Variants in MICOS10 observed in about 807,000 individuals in gnomAD.
MICOS10 encodes the protein mitochondrial contact site and cristae organizing system subunit 10.
MICOS10 carries 5 observed loss-of-function variants against 13.4 expected under a neutral mutation model. The observed-to-expected ratio is 0.37, with a 90% confidence interval of 0.20 to 0.78. The LOEUF is 0.78. MICOS10 is among the 30% of genes least tolerant of loss of function. The probability of loss-of-function intolerance (pLI) is 0.47; values close to 1 mark genes in which losing one functional copy is unlikely to be tolerated. For missense variants in MICOS10, 101 were observed against 94.6 expected (o/e 1.07, Z -0.28); for synonymous variants, 35 against 33.6 (o/e 1.04, Z -0.15).
chr1:19,611,984 AAG>A (rs1199298861), intron 1 of MICOS10, among the ~76,000 whole-genome samples: 1 of 151,112 alleles, frequency 6.6e-6, no homozygotes, highest in Non-Finnish European at 1.5e-5. Flanking sequence ...AAAAAAAAAA[AAG>A]ATTTTTTTTT....
chr1:19,623,325 A>G (rs945583262), intron 2 of MICOS10, 149 bp from the exon 3 acceptor site: 1 of 591,498 alleles, frequency 1.7e-6, no homozygotes, highest in African/African-American at 1.8e-5. Flanking sequence ...CCATTGTGAA[A>G]CATTGATAAA....
In MICOS10 at chr1:19,615,052, C is replaced by T. The variant is rs536962650; in HGVS notation, c.65-7048C>T. On this transcript the variant is annotated intron_variant, in intron 1 of 3. Transcript: ENST00000322753. The stretch of plus-strand genomic sequence containing the variant: ...AAAAATCTTCCTAGCCAAATGTATT[C>T]CCATCCTCCTTCTCTGGACCCACAG... Among the ~76,000 whole-genome samples the T allele has an allele frequency of 2.0e-5, 3 of 152,326 alleles. No homozygotes were observed. The South Asian group carries it at 6.2e-4, about 32-fold the overall frequency.
At chr1:19,603,558 G>C (rs2094824071) in intron 1 of MICOS10, among the ~76,000 whole-genome samples, 1 of 152,178 alleles carries the variant, frequency 6.6e-6, no homozygotes, top group African/African-American at 2.4e-5. Flanking sequence ...CGGAGGTCCT[G>C]GGAATCCCTA....
At chr1:19,600,930 C>T in intron 1 of MICOS10, 1 of 1,289,378 alleles carries the variant, frequency 7.8e-7, no homozygotes, top group South Asian at 1.2e-5. Flanking sequence ...TCTGGCTTGG[C>T]AAAGACTGAA....
chr1:19,599,086 C>T (rs536684924), intron 1 of MICOS10, among the ~76,000 whole-genome samples: 4 of 152,002 alleles, frequency 2.6e-5, no homozygotes, highest in Admixed American at 6.6e-5. Flanking sequence ...AATAGGGTCT[C>T]GCTCTGTCAC....
At chr1:19,622,079 G>A (rs779376613) in intron 1 of MICOS10, 21 bp from the exon 2 acceptor site, 1 of 1,599,268 alleles carries the variant, frequency 6.3e-7, no homozygotes, top group Admixed American at 1.7e-5. Context: ...GATTTAGCAT[G>A]TTTTTTCTCC....
chr1:19,604,612 G>A (rs565699958), intron 1 of MICOS10, among the ~76,000 whole-genome samples: 1 of 152,282 alleles, frequency 6.6e-6, no homozygotes, highest in East Asian at 1.9e-4. Context: ...GGTCGTAGGT[G>A]GGTCTTATTG....
intron 3 of MICOS10, among the ~76,000 whole-genome samples, chr1:19,623,996 G>A (rs2792051): frequency 1.3e-5 from 2 of 152,036 alleles, no homozygotes; most frequent in Non-Finnish European, 2.9e-5. Context: ...TTATTAATTT[G>A]TTTCATTTTT....
At chr1:19,598,203 G>A (rs148264224) in intron 1 of MICOS10, 2 of 152,286 alleles carry the variant, frequency 1.3e-5, no homozygotes, top group African/African-American at 4.8e-5. Context: ...AGCACTTACA[G>A]TCAAGTGATT....
chr1:19,601,880 T>C (rs2094816630), intron 1 of MICOS10, among the ~76,000 whole-genome samples: 1 of 152,234 alleles, frequency 6.6e-6, no homozygotes, highest in Non-Finnish European at 1.5e-5. Context: ...TCTTTATTCC[T>C]GTCACATTTT....
intron 3 of MICOS10, among the ~76,000 whole-genome samples, chr1:19,624,448 C>A (rs986286529): frequency 2.0e-5 from 3 of 151,828 alleles, no homozygotes; most frequent in African/African-American, 7.3e-5. Context: ...CACTCACGCC[C>A]GGCTAATTTT....
chr1:19,617,444 G>A (rs1242418991), intron 1 of MICOS10: 7 of 339,562 alleles, frequency 2.1e-5, no homozygotes, highest in African/African-American at 1.5e-4. Flanking sequence ...CCATCTCTGG[G>A]TCCTTGGTCT....
rs2094925329 is a variant in MICOS10, at chr1:19,627,369, T to C, written c.*968T>C. The C allele has an allele frequency of 6.6e-6, 1 of 152,244 alleles. No homozygotes were observed. Among genetic ancestry groups the C allele is most frequent in the African/African-American group, 2.4e-5 (1 of 41,454 alleles). The allele number at this position is 152,244 out of a possible 1,614,324, so 9.4% of individuals were successfully genotyped here. On this transcript the variant is annotated 3_prime_UTR_variant, in exon 4 of 4. Transcript: ENST00000322753. ...TGCCCCTGTATCCTGTAAATGTTGATTTATCATCTACTGTAAGCGAGGCAC... is the reference window on the plus strand; with the variant it reads ...TGCCCCTGTATCCTGTAAATGTTGACTTATCATCTACTGTAAGCGAGGCAC...
intron 1 of MICOS10, among the ~76,000 whole-genome samples, chr1:19,615,532 C>T (rs188873466): frequency 4.2e-4 from 64 of 152,324 alleles, no homozygotes; most frequent in Non-Finnish European, 1.2e-4. Flanking sequence ...TACCCCAAAT[C>T]CACATAACCT....
At position 19,608,511 on chromosome 1, in the gene MICOS10, C is replaced by G. The variant is rs377011513; in HGVS notation, c.64+11402C>G. On this transcript the variant is annotated intron_variant, in intron 1 of 3. Coordinates refer to ENST00000322753, the MANE Select transcript of MICOS10 (RefSeq NM_001032363.4). ...AAGATCGGGAGGATTGAGGACGTCA[C>G]CCCCATCCCCTCTGACAGCACTCTC... 4.6e-5 allele frequency: 51 copies of G among 1,099,804 alleles called. No individual in the cohort carries two copies. The East Asian group carries it at 5.4e-4, about 12-fold the overall frequency. 68.1% of individuals were successfully genotyped at this position (1,099,804 alleles called of 1,614,324 possible).
At chr1:19,600,817 G>T (rs901396497) in intron 1 of MICOS10, 2 of 1,046,708 alleles carry the variant, frequency 1.9e-6, no homozygotes, top group African/African-American at 1.6e-5. Context: ...GCCCAGGCTG[G>T]TCTTGAACTC....
chr1:19,616,927 G>A (rs2094886476), intron 1 of MICOS10, among the ~76,000 whole-genome samples: 1 of 152,128 alleles, frequency 6.6e-6, no homozygotes, highest in African/African-American at 2.4e-5. Flanking sequence ...ATATAAACTT[G>A]GCAATTTTGT....
At chr1:19,608,994 CTTTTTTTTTTTTTTTT>C (rs5772856) in intron 1 of MICOS10, among the ~76,000 whole-genome samples, 2 of 60,598 alleles carry the variant, frequency 3.3e-5, no homozygotes, top group African/African-American at 7.6e-5. Flanking sequence ...CTTTTCCCAG[CTTTTTTTTTTTTTTTT>C]TTTTTTTTTT....
In MICOS10 at chr1:19,629,769, G is replaced by A. The variant is rs906519690; in HGVS notation, c.*3368G>A. 5 of 152,152 alleles carry A rather than the reference G, an allele frequency of 3.3e-5. No individual in the cohort carries two copies. Among genetic ancestry groups the A allele is most frequent in the African/African-American group, 9.7e-5 (4 of 41,432 alleles). The allele number at this position is 152,152 out of a possible 1,614,324, so 9.4% of individuals were successfully genotyped here. ...CGTGGTTCGATCTGATTGTATTGTCGAAGGACTATTTTTGAACCTGTCCAA... is the reference window on the plus strand; with the variant it reads ...CGTGGTTCGATCTGATTGTATTGTCAAAGGACTATTTTTGAACCTGTCCAA... On this transcript the variant is annotated 3_prime_UTR_variant, in exon 4 of 4. Coordinates refer to ENST00000322753, the MANE Select transcript of MICOS10 (RefSeq NM_001032363.4).
Sources: allele counts gnomAD v4.1 joint callset (sites outside exome capture counted in the v4.1 genomes callset), GRCh38; gene constraint gnomAD v4.1.1; transcripts MANE v1.5; gene names NCBI Gene and HGNC (gene_info 2026-07-23, HGNC 2026-07-21).